KIF27: variants seen among roughly 807,000 people sequenced by gnomAD.
The protein encoded by KIF27 is kinesin family member 27, also known as kinesin-like protein KIF27.
KIF27 carries 84 observed loss-of-function variants against 141.8 expected under a neutral mutation model. The ratio of observed to expected loss-of-function variants is 0.59; its 90% CI spans 0.50 to 0.71. KIF27 has a LOEUF of 0.71. Ranked by LOEUF, KIF27 falls within the 30% of genes least tolerant of loss-of-function variation. KIF27 has a pLI of 0.00. For missense variants in KIF27, 1,306 were observed against 1,628.4 expected, an observed-to-expected ratio of 0.80 and a Z score of 3.41; for synonymous variants, 471 against 569.5, an observed-to-expected ratio of 0.83 and a Z score of 2.46.
intron 3 of KIF27, among the ~76,000 whole-genome samples, chr9:83,904,620 C>G (rs961496136): frequency 6.6e-6 from 1 of 152,198 alleles, no homozygotes; most frequent in Non-Finnish European, 1.5e-5. Context: ...ATCCACCTGC[C>G]TTGGCCTCCC....
intron 10 of KIF27, among the ~76,000 whole-genome samples, chr9:83,883,219 T>C (rs1951824346): frequency 6.6e-6 from 1 of 152,176 alleles, no homozygotes; most frequent in South Asian, 2.1e-4. Context: ...GAAAGTTCAT[T>C]ATGATCAGAC....
At chr9:83,896,051 C>CAAAAAAAA (rs35504224) in intron 5 of KIF27, among the ~76,000 whole-genome samples, 44 of 54,506 alleles carry the variant, frequency 8.1e-4, no homozygotes, top group Non-Finnish European at 1.2e-3. Context: ...GACTCTGTCT[C>CAAAAAAAA]AAAAAAAAAA....
chr9:83,899,657 C>T lies in KIF27; in HGVS notation c.1602+4G>A. On this transcript the variant is annotated splice_donor_region_variant and intron_variant, in intron 5 of 17. Transcript: ENST00000297814. ...CTACAGAGCTAGATGCATTAAGAAA[C>T]TACCTGCAGTCTATTCACTTTTTGC... 2 of 1,612,872 alleles carry T rather than the reference C, an allele frequency of 1.2e-6. No individual in the cohort carries two copies. The highest frequency in any genetic ancestry group is 1.7e-6 in the Non-Finnish European group (2 of 1,179,218).
chr9:83,884,733 CAA>C (rs1361386446), intron 9 of KIF27, among the ~76,000 whole-genome samples: 2 of 152,176 alleles, frequency 1.3e-5, no homozygotes, highest in Admixed American at 6.5e-5. Context: ...CCAATTGCCT[CAA>C]AATGTGTCTC....
At position 83,903,401 on chromosome 9, in the gene KIF27, GGCTTT is replaced by G; in HGVS notation, c.1112_1116del (p.Gln371ProfsTer18). ...GTAGTTTGGCTGACACCAGCCTGCT[GGCTTT>G]GCAAAGCTTCTCGAAGCAATTTAAT... On this transcript the variant is annotated frameshift_variant, in exon 4 of 18. Transcript: ENST00000297814. LOFTEE classifies it high-confidence loss of function. The G allele has an allele frequency of 1.2e-6, 2 of 1,614,014 alleles. No homozygotes were observed. The highest frequency in any genetic ancestry group is 1.7e-6 in the Non-Finnish European group (2 of 1,180,028).
intron 7 of KIF27, 90 bp downstream of exon 7, chr9:83,888,994 G>T (rs58434721): frequency 1.1e-5 from 16 of 1,417,872 alleles, no homozygotes; most frequent in Admixed American, 5.2e-5. Context: ...AAACATAAAA[G>T]ATATACTCCA....
At chr9:83,917,551 A>T (rs2132849825) in intron 1 of KIF27, among the ~76,000 whole-genome samples, 1 of 152,342 alleles carries the variant, frequency 6.6e-6, no homozygotes, top group South Asian at 2.1e-4. Flanking sequence ...CACTTTCCTA[A>T]TTTCAAAACC....
intron 5 of KIF27, among the ~76,000 whole-genome samples, chr9:83,897,981 C>CA (rs1431453392): frequency 2.0e-5 from 3 of 152,038 alleles, no homozygotes; most frequent in African/African-American, 7.2e-5. Flanking sequence ...AGAATGCTCA[C>CA]ATGGAATAGT....
At chr9:83,889,412 AT>A (rs1453747503) in intron 6 of KIF27, 159 bp from the exon 7 acceptor site, 1 of 551,918 alleles carries the variant, frequency 1.8e-6, no homozygotes, top group African/African-American at 1.9e-5. Context: ...GTCAAAATTA[AT>A]TTAACAATAC....
chr9:83,848,130 C>A (rs117816610), intron 16 of KIF27, among the ~76,000 whole-genome samples: 3,064 of 19,596 alleles, frequency 0.16, 1,103 homozygotes, highest in African/African-American at 0.33. Flanking sequence ...TATCTGATAT[C>A]TCATATATGA....
chr9:83,910,918 T>C (rs577037615), intron 2 of KIF27, among the ~76,000 whole-genome samples: 21 of 151,722 alleles, frequency 1.4e-4, no homozygotes, highest in Admixed American at 6.6e-5. Context: ...CAAATGTCCA[T>C]CAAAAGAAGA....
At chr9:83,871,347 T>C (rs191516152) in intron 11 of KIF27, among the ~76,000 whole-genome samples, 1 of 152,322 alleles carries the variant, frequency 6.6e-6, no homozygotes, top group African/African-American at 2.4e-5. Flanking sequence ...GAATGTTAGC[T>C]CTTACTGAGG....
In KIF27 at chr9:83,858,945, A is replaced by C. The variant is rs114091432; in HGVS notation, c.3150+211T>G. 2.5e-3 allele frequency: 1,444 copies of C among 571,604 alleles called. 24 individuals are homozygous for C. Among genetic ancestry groups the C allele is most frequent in the African/African-American group, 0.025 (1,321 of 53,528 alleles). 35.4% of individuals were successfully genotyped at this position (571,604 alleles called of 1,614,324 possible). A position where few individuals can be genotyped will look rare whatever the true frequency, so the allele number is the denominator to read the frequency against. ...TGCCTGGCAGTGCCAGGAAGGGGCC[A>C]TGTCCATGGACCACTATGTAAGGAT... On this transcript the variant is annotated intron_variant, in intron 14 of 17. Transcript: ENST00000297814.
At chr9:83,920,566 G>A (rs1956154319) in intron 1 of KIF27, among the ~76,000 whole-genome samples, 1 of 152,188 alleles carries the variant, frequency 6.6e-6, no homozygotes, top group Non-Finnish European at 1.5e-5. Flanking sequence ...TCTTAAATGT[G>A]TGGTTTGTTA....
At chr9:83,918,649 CAAT>C (rs968439012) in intron 1 of KIF27, among the ~76,000 whole-genome samples, 4 of 152,148 alleles carry the variant, frequency 2.6e-5, no homozygotes, top group Non-Finnish European at 4.4e-5. Flanking sequence ...ATCAAAATCA[CAAT>C]GAGAGGCCAG....
chr9:83,903,551 A>T lies in KIF27; in HGVS notation c.967T>A (p.Ser323Thr), dbSNP rs781137516. Residue 323 changes from serine (S) to threonine (T), a missense_variant, in exon 4 of 18, where the codon TCG (serine) becomes ACG (threonine). Physicochemically the swap from Ser to Thr is moderately conservative, Grantham distance 58. Coordinates refer to ENST00000297814, the MANE Select transcript of KIF27 (RefSeq NM_017576.4). The part of the protein sequence containing the change: ...VMITCVSPSS[S>T]NFDESLNSLK... Reference sequence around the variant, plus strand: ...GAATTTAAGGACTCATCAAAATTCGAGGAGGAGGGGCTGACACATGTGATC... The same window carrying T: ...GAATTTAAGGACTCATCAAAATTCGTGGAGGAGGGGCTGACACATGTGATC... The T allele has an allele frequency of 6.2e-7, 1 of 1,614,180 alleles. No individual in the cohort carries two copies. The highest frequency in any genetic ancestry group is 1.1e-5 in the South Asian group (1 of 91,086).
In KIF27 at chr9:83,904,288, T is replaced by C. The variant is rs552395607; in HGVS notation, c.500-270A>G. 3.9e-5 allele frequency among the ~76,000 whole-genome samples: 6 copies of C among 152,346 alleles called. 1 individual carries two copies. The South Asian group carries it at 1.2e-3, about 32-fold the overall frequency. ...AAACAATCTAGTTTATCTTGAGTCA[T>C]GAGTCACACTCAATTCCTTAAAATG... On this transcript the variant is annotated intron_variant, in intron 3 of 17. Coordinates refer to ENST00000297814, the MANE Select transcript of KIF27 (RefSeq NM_017576.4).
At chr9:83,878,787 T>A (rs1355164564) in intron 11 of KIF27, among the ~76,000 whole-genome samples, 1 of 152,190 alleles carries the variant, frequency 6.6e-6, no homozygotes, top group African/African-American at 2.4e-5. Flanking sequence ...TTACAGAGTG[T>A]CTGTCTGGAG....
Position 83,908,473 on chromosome 9 carries a change from C to T in KIF27, c.478G>A (p.Glu160Lys). The change falls in exon 3 of 18, where the codon GAA becomes AAA. Residue 160 changes from glutamate to lysine, a missense_variant. By Grantham distance (56) the Glu-to-Lys change is moderately conservative (BLOSUM62 1). This residue lies in a region of KIF27 where 533 missense variants were observed against 565.6 expected (regional missense o/e 0.94). Coordinates refer to ENST00000297814, the MANE Select transcript of KIF27 (RefSeq NM_017576.4). Reference protein sequence around the residue: ...ETSMKDLHIREDEKGNTVIVG... With the variant: ...ETSMKDLHIRKDEKGNTVIVG... ...TTACCTGTGTTTCCTTTTTCATCTT[C>T]TCGGATGTGAAGATCCTTCATGGAT... is the stretch of plus-strand genomic sequence containing the variant. The T allele has an allele frequency of 6.2e-7, 1 of 1,609,504 alleles. No homozygotes were observed. Among genetic ancestry groups the T allele is most frequent in the Non-Finnish European group, 8.5e-7 (1 of 1,177,618 alleles).
Sources: allele counts gnomAD v4.1 joint callset (sites outside exome capture counted in the v4.1 genomes callset), GRCh38; gene constraint gnomAD v4.1.1; regional missense constraint gnomAD v4.1.1; transcripts MANE v1.5; gene names NCBI Gene and HGNC (gene_info 2026-07-23, HGNC 2026-07-21).